Variants in CPQ observed in about 807,000 individuals in gnomAD.
CPQ encodes carboxypeptidase Q, also known as Ser-Met dipeptidase.
A neutral mutation model predicts 45.7 loss-of-function variants in CPQ; 37 were observed. The observed-to-expected ratio is 0.81, with a 90% CI of 0.62 to 1.07. The LOEUF is 1.07. CPQ is among the 50% of genes least tolerant of loss of function. The probability of loss-of-function intolerance (pLI) is 0.00; values close to 1 mark genes in which losing one functional copy is unlikely to be tolerated. For missense variants in CPQ, 537 were observed against 572.9 expected (o/e 0.94, Z 0.64); for synonymous variants, 186 against 205.8 (o/e 0.90, Z 0.82).
chr8:96,834,124 C>G (rs547844227), intron 2 of CPQ, among the ~76,000 whole-genome samples: 1 of 152,150 alleles, frequency 6.6e-6, no homozygotes, highest in African/African-American at 2.4e-5. Context: ...TTTACTCTAA[C>G]TACTCCATCA....
chr8:96,930,862 T>G (rs1220405364), intron 4 of CPQ, among the ~76,000 whole-genome samples: 1 of 152,190 alleles, frequency 6.6e-6, no homozygotes, highest in Non-Finnish European at 1.5e-5. Flanking sequence ...AAGGAAGATG[T>G]TTTTCCCACA....
At chr8:96,722,886 A>C (rs1417094867) in intron 1 of CPQ, among the ~76,000 whole-genome samples, 1 of 152,174 alleles carries the variant, frequency 6.6e-6, no homozygotes, top group Admixed American at 6.5e-5. Flanking sequence ...ACTGAAAGTG[A>C]CACATAGAGC....
chr8:96,874,522 T>C (rs1812120993), intron 3 of CPQ, among the ~76,000 whole-genome samples: 1 of 151,816 alleles, frequency 6.6e-6, no homozygotes, highest in East Asian at 1.9e-4. Flanking sequence ...ACCTAAAATT[T>C]CCTTTATTGA....
Position 96,976,045 on chromosome 8 carries a change from A to C in CPQ, c.961+9999A>C, listed in dbSNP as rs559484909. ...ATCCCAATCAGTAAAGAGGAAGTCA[A>C]ACTGTCACTGTTTGCTGATGATATG... is the stretch of plus-strand genomic sequence containing the variant. On this transcript the variant is annotated intron_variant, in intron 5 of 7. Transcript: ENST00000220763. Among the ~76,000 whole-genome samples the C allele has an allele frequency of 2.0e-5, 3 of 152,164 alleles. No individual in the cohort carries two copies. The South Asian group carries it at 6.2e-4, about 32-fold the overall frequency.
At chr8:96,974,901 A>C (rs1000995678) in intron 5 of CPQ, among the ~76,000 whole-genome samples, 1 of 152,124 alleles carries the variant, frequency 6.6e-6, no homozygotes, top group Non-Finnish European at 1.5e-5. Flanking sequence ...TAAATGCCTA[A>C]ACCAAAAATC....
chr8:96,978,697 T>C lies in CPQ; in HGVS notation c.961+12651T>C, dbSNP rs146491402. Among the ~76,000 whole-genome samples the C allele has an allele frequency of 2.7e-4, 41 of 152,232 alleles. No individual in the cohort carries two copies. The East Asian group carries it at 7.7e-3, about 29-fold the overall frequency. ...TGTGGTTGTAAAGGAAGCGGAAGCT[T>C]AAGAAATTGGTATCATTTATCCTGG... On this transcript the variant is annotated intron_variant, in intron 5 of 7. Transcript: ENST00000220763.
At chr8:97,095,661 A>T (rs1457430458) in intron 7 of CPQ, among the ~76,000 whole-genome samples, 1 of 152,204 alleles carries the variant, frequency 6.6e-6, no homozygotes, top group Non-Finnish European at 1.5e-5. Flanking sequence ...CCTGCTGGAA[A>T]TTATTTAAAA....
At chr8:96,994,270 T>C (rs1809141427) in intron 5 of CPQ, among the ~76,000 whole-genome samples, 1 of 151,822 alleles carries the variant, frequency 6.6e-6, no homozygotes, top group African/African-American at 2.4e-5. Flanking sequence ...CCTGGAAAAA[T>C]GTTGGAAGGA....
At chr8:96,986,176 T>C (rs1251536292) in intron 5 of CPQ, among the ~76,000 whole-genome samples, 3 of 152,180 alleles carry the variant, frequency 2.0e-5, no homozygotes, top group Admixed American at 2.0e-4. Context: ...ATGCAGTTTG[T>C]AAGTGGTCCA....
chr8:96,920,157 T>G (rs998138223), intron 4 of CPQ, among the ~76,000 whole-genome samples: 3 of 152,118 alleles, frequency 2.0e-5, no homozygotes, highest in Non-Finnish European at 4.4e-5. Context: ...TATTTGATGA[T>G]TGTCTGAAAT....
chr8:96,907,433 G>T (rs1216813099), intron 4 of CPQ, among the ~76,000 whole-genome samples: 1 of 152,120 alleles, frequency 6.6e-6, no homozygotes, highest in African/African-American at 2.4e-5. Flanking sequence ...ACACCAGGAT[G>T]CCTAAGTGAA....
intron 1 of CPQ, among the ~76,000 whole-genome samples, chr8:96,783,421 C>A (rs1178126583): frequency 6.6e-6 from 1 of 152,014 alleles, no homozygotes; most frequent in East Asian, 1.9e-4. Context: ...CATAACATGG[C>A]AGAAGGCATC....
intron 7 of CPQ, among the ~76,000 whole-genome samples, chr8:97,079,150 T>G (rs558948484): frequency 1.3e-5 from 2 of 152,218 alleles, no homozygotes; most frequent in South Asian, 4.1e-4. Flanking sequence ...ATTTCTAAAA[T>G]GTTTAAATGC....
intron 1 of CPQ, among the ~76,000 whole-genome samples, chr8:96,697,597 A>G (rs759617058): frequency 6.6e-6 from 1 of 152,176 alleles, no homozygotes; most frequent in Non-Finnish European, 1.5e-5. Flanking sequence ...ATGTGATCTT[A>G]TATTTGGAAA....
chr8:96,896,663 T>G (rs191821612), intron 4 of CPQ, among the ~76,000 whole-genome samples: 330 of 152,280 alleles, frequency 2.2e-3, no homozygotes, highest in Admixed American at 3.9e-3. Context: ...TACACACCCA[T>G]ATACAATGTT....
intron 7 of CPQ, among the ~76,000 whole-genome samples, chr8:97,079,694 T>C (rs1563574700): frequency 6.6e-6 from 1 of 152,054 alleles, no homozygotes; most frequent in African/African-American, 2.4e-5. Flanking sequence ...AAAAGAAAGG[T>C]ATTAAACTGC....
intron 4 of CPQ, among the ~76,000 whole-genome samples, chr8:96,914,911 T>C (rs1479253952): frequency 2.0e-5 from 3 of 152,174 alleles, no homozygotes; most frequent in African/African-American, 7.2e-5. Flanking sequence ...TTATGGTCCA[T>C]TGTACAGTCA....
intron 1 of CPQ, among the ~76,000 whole-genome samples, chr8:96,777,755 TATATA>T (rs1456218205): frequency 2.9e-3 from 40 of 13,644 alleles, no homozygotes; most frequent in African/African-American, 7.3e-3. Context: ...TATATATATA[TATATA>T]TTTTTTTTTT....
intron 4 of CPQ, among the ~76,000 whole-genome samples, chr8:96,956,617 T>C (rs543333457): frequency 6.6e-6 from 1 of 152,292 alleles, no homozygotes; most frequent in Admixed American, 6.5e-5. Flanking sequence ...CTCATCATGT[T>C]TATATTAGAT....
Sources: gnomAD v4.1 joint callset for allele counts (sites outside exome capture counted in the v4.1 genomes callset) on GRCh38, gnomAD v4.1.1 for gene constraint, MANE v1.5 for transcripts, NCBI Gene and HGNC (gene_info 2026-07-23, HGNC 2026-07-21) for gene names.